Variants in ECHDC1 observed in about 807,000 individuals in gnomAD.
The protein encoded by ECHDC1 is ethylmalonyl-CoA decarboxylase.
Under a neutral mutation model 29.7 loss-of-function variants are expected in ECHDC1, and 29 were observed. The ratio of observed to expected loss-of-function variants is 0.98; its 90% CI spans 0.73 to 1.33. The LOEUF (loss-of-function observed/expected upper bound fraction) is 1.33, where lower values mean the gene tolerates loss of function less well. Ranked by LOEUF, ECHDC1 falls within the 40% of genes most tolerant of loss-of-function variation. The pLI is 0.00. For synonymous variants in ECHDC1, 126 were observed against 123.1 expected (o/e 1.02, Z -0.15); for missense variants, 328 against 350.0 (o/e 0.94, Z 0.50).
intron 3 of ECHDC1, among the ~76,000 whole-genome samples, chr6:127,319,396 T>G (rs1477072878): frequency 6.6e-6 from 1 of 152,148 alleles, no homozygotes; most frequent in Non-Finnish European, 1.5e-5. Flanking sequence ...TGACATACAG[T>G]AAGAGAATAA....
chr6:127,337,973 C>A (rs1395366468), intron 1 of ECHDC1, among the ~76,000 whole-genome samples: 2 of 152,074 alleles, frequency 1.3e-5, no homozygotes, highest in Admixed American at 1.3e-4. Context: ...GCAATTAAGA[C>A]AAATATTTTC....
At chr6:127,302,399 CTTT>C (rs770299947) in intron 5 of ECHDC1, among the ~76,000 whole-genome samples, 1 of 147,266 alleles carries the variant, frequency 6.8e-6, no homozygotes, top group Non-Finnish European at 1.5e-5. Flanking sequence ...GCTTAAGATT[CTTT>C]TTTTTTTTCT....
At chr6:127,315,874 G>C in intron 4 of ECHDC1, 1 of 442,808 alleles carries the variant, frequency 2.3e-6, no homozygotes, top group Non-Finnish European at 4.7e-6. Flanking sequence ...GTCTACATTC[G>C]GAATGTGAAA....
At chr6:127,334,743 T>C (rs1265615778) in intron 1 of ECHDC1, among the ~76,000 whole-genome samples, 1 of 152,106 alleles carries the variant, frequency 6.6e-6, no homozygotes, top group Non-Finnish European at 1.5e-5. Context: ...ACCTGGTAAA[T>C]CCCCAATCAT....
intron 5 of ECHDC1, among the ~76,000 whole-genome samples, chr6:127,296,777 T>G (rs1175106743): frequency 6.6e-6 from 1 of 152,062 alleles, no homozygotes; most frequent in Non-Finnish European, 1.5e-5. Context: ...TTTGGGAGGC[T>G]GTGGATCACT....
chr6:127,307,043 A>G (rs1781495488), intron 5 of ECHDC1, among the ~76,000 whole-genome samples: 1 of 152,202 alleles, frequency 6.6e-6, no homozygotes, highest in African/African-American at 2.4e-5. Flanking sequence ...AAATACATGG[A>G]AATTAGACAA....
chr6:127,339,594 G>A (rs996530133), intron 1 of ECHDC1, among the ~76,000 whole-genome samples: 7 of 151,790 alleles, frequency 4.6e-5, no homozygotes, highest in African/African-American at 1.5e-4. Flanking sequence ...CCAACATGGC[G>A]AAACCCCATC....
intron 1 of ECHDC1, among the ~76,000 whole-genome samples, chr6:127,336,784 A>G (rs993015187): frequency 1.3e-5 from 2 of 152,246 alleles, no homozygotes; most frequent in Non-Finnish European, 2.9e-5. Flanking sequence ...TACCAATTAC[A>G]AAGTGTGAAG....
chr6:127,311,840 G>A (rs1044835372), intron 5 of ECHDC1, among the ~76,000 whole-genome samples: 1 of 151,010 alleles, frequency 6.6e-6, no homozygotes, highest in African/African-American at 2.4e-5. Flanking sequence ...AATGAGGTCT[G>A]TAGATTAATT....
chr6:127,306,455 G>A (rs1370110808), intron 5 of ECHDC1, among the ~76,000 whole-genome samples: 2 of 152,166 alleles, frequency 1.3e-5, no homozygotes, highest in African/African-American at 4.8e-5. Context: ...AGGAGGAGGT[G>A]ATTGGATCAT....
At chr6:127,301,269 C>T (rs957030651) in intron 5 of ECHDC1, among the ~76,000 whole-genome samples, 4 of 152,022 alleles carry the variant, frequency 2.6e-5, no homozygotes, top group Non-Finnish European at 4.4e-5. Flanking sequence ...CAGGGTTTTG[C>T]GGGAAGGGGA....
intron 3 of ECHDC1, among the ~76,000 whole-genome samples, chr6:127,317,669 G>A (rs1220231561): frequency 6.6e-6 from 1 of 152,184 alleles, no homozygotes; most frequent in Non-Finnish European, 1.5e-5. Context: ...TAAGAGTTCT[G>A]AGCTAGCGGT....
chr6:127,323,969 T>C (rs972011894), intron 3 of ECHDC1, among the ~76,000 whole-genome samples: 5 of 152,192 alleles, frequency 3.3e-5, no homozygotes, highest in Admixed American at 2.6e-4. Flanking sequence ...TGAACTTTAC[T>C]ATGTGCCAGA....
chr6:127,337,132 G>A (rs537759514), intron 1 of ECHDC1, among the ~76,000 whole-genome samples: 126 of 152,250 alleles, frequency 8.3e-4, no homozygotes, highest in African/African-American at 2.9e-3. Flanking sequence ...AAGACAAGAA[G>A]AAAATATTTA....
intron 4 of ECHDC1, 91 bp from the exon 5 acceptor site, chr6:127,314,987 G>T: frequency 1.7e-6 from 2 of 1,202,510 alleles, no homozygotes; most frequent in Non-Finnish European, 2.4e-6. Flanking sequence ...AAATGCAGTG[G>T]AAACAAAATT....
At chr6:127,310,625 A>C (rs1259773363) in intron 5 of ECHDC1, among the ~76,000 whole-genome samples, 1 of 152,216 alleles carries the variant, frequency 6.6e-6, no homozygotes, top group Non-Finnish European at 1.5e-5. Context: ...TGGTTTCTTA[A>C]GATGGAATTT....
chr6:127,334,349 T>C (rs2114696236), intron 1 of ECHDC1, among the ~76,000 whole-genome samples: 1 of 152,272 alleles, frequency 6.6e-6, no homozygotes, highest in African/African-American at 2.4e-5. Context: ...CCACCACTAT[T>C]TGGAGGTCCG....
At chr6:127,326,374 T>C (rs1241622938) in intron 3 of ECHDC1, 1 of 267,434 alleles carries the variant, frequency 3.7e-6, no homozygotes, top group African/African-American at 2.3e-5. Flanking sequence ...CTGTATAGCG[T>C]GCAGAACTGT....
intron 1 of ECHDC1, chr6:127,341,617 G>C (rs1784953697): frequency 6.6e-6 from 1 of 152,062 alleles, no homozygotes; most frequent in Non-Finnish European, 1.5e-5. Context: ...CAGTGGAGCT[G>C]AACAAGCTCA....
Sources: allele counts gnomAD v4.1 joint callset (sites outside exome capture counted in the v4.1 genomes callset), GRCh38; gene constraint gnomAD v4.1.1; transcripts MANE v1.5; gene names NCBI Gene and HGNC (gene_info 2026-07-23, HGNC 2026-07-21).